The following CCDC33 variants were observed in gnomAD, a reference collection of about 807,000 sequenced individuals.
CCDC33 encodes coiled-coil domain containing 33, also known as coiled-coil domain-containing protein 33.
CCDC33 carries 94 observed loss-of-function variants against 91.9 expected under a neutral mutation model. The observed-to-expected ratio is 1.02, with a 90% CI of 0.87 to 1.21. The LOEUF (loss-of-function observed/expected upper bound fraction) is 1.21, where lower values mean the gene tolerates loss of function less well. Ranked by LOEUF, CCDC33 falls within the 50% of genes most tolerant of loss-of-function variation. The probability of loss-of-function intolerance (pLI) is 0.00; values close to 1 mark genes in which losing one functional copy is unlikely to be tolerated. For synonymous variants in CCDC33, 396 were observed against 374.5 expected (o/e 1.06, Z -0.66); for missense variants, 940 against 935.5 (o/e 1.00, Z -0.06).
rs1596138484 is a variant in CCDC33 at position 74,330,587 on chromosome 15, C to T, written c.1457-76C>T. ...AGCCCTCGGGCCAAGGGATATCTGCCTTCCTGCTACTGACCATGCTGATTT... is the reference window on the plus strand; with the variant it reads ...AGCCCTCGGGCCAAGGGATATCTGCTTTCCTGCTACTGACCATGCTGATTT... On this transcript the variant is annotated intron_variant, in intron 12 of 18. Transcript: ENST00000398814. 3 of 1,274,794 alleles carry T rather than the reference C, an allele frequency of 2.4e-6. No homozygotes were observed. The South Asian group carries it at 3.6e-5, about 15-fold the overall frequency. The allele number at this position is 1,274,794 out of a possible 1,614,324, so 79.0% of individuals were successfully genotyped here.
In CCDC33 at chr15:74,301,485, G is replaced by A. The variant is rs2059794662; in HGVS notation, c.1290+5537G>A. On this transcript the variant is annotated intron_variant, in intron 11 of 18. Transcript: ENST00000398814. Reference sequence around the variant, plus strand: ...TGGACAGGAGCAAGCCATACCCGGGGAGACGATTAGTGGCACAGAGTAGGC... The same window carrying A: ...TGGACAGGAGCAAGCCATACCCGGGAAGACGATTAGTGGCACAGAGTAGGC... The A allele has an allele frequency of 2.6e-5, 4 of 152,458 alleles. No homozygotes were observed. In the South Asian group the frequency reaches 8.3e-4, roughly 32 times the overall value. The allele number at this position is 152,458 out of a possible 1,614,324, so 9.4% of individuals were successfully genotyped here. A position where few individuals can be genotyped will look rare whatever the true frequency, so the allele number is the denominator to read the frequency against.
At chr15:74,204,806 A>C (rs2074221837) in intron 1 of CCDC33, among the ~76,000 whole-genome samples, 1 of 152,124 alleles carries the variant, frequency 6.6e-6, no homozygotes. Flanking sequence ...GTGGTGGCGC[A>C]CACCTGTAAT....
chr15:74,245,906 T>C (rs148750611), intron 2 of CCDC33, among the ~76,000 whole-genome samples: 335 of 152,056 alleles, frequency 2.2e-3, no homozygotes, highest in African/African-American at 7.8e-3. Flanking sequence ...GCTAATGAGA[T>C]GCAAATGATG....
At chr15:74,209,226 C>A in intron 1 of CCDC33, 3 of 1,103,816 alleles carry the variant, frequency 2.7e-6, no homozygotes, top group East Asian at 2.6e-5. Flanking sequence ...CCTCTCCACA[C>A]CCCCAAACCG....
intron 3 of CCDC33, among the ~76,000 whole-genome samples, chr15:74,262,819 T>G (rs1052163462): frequency 6.6e-6 from 1 of 152,190 alleles, no homozygotes; most frequent in Non-Finnish European, 1.5e-5. Flanking sequence ...TTTTTATGAC[T>G]GTTGTTATTA....
chr15:74,261,115 C>A (rs899876280), intron 2 of CCDC33, among the ~76,000 whole-genome samples: 6 of 152,184 alleles, frequency 3.9e-5, no homozygotes, highest in African/African-American at 1.4e-4. Context: ...GTCCTTCTTA[C>A]AATCACTGTG....
rs546995563 is a variant in CCDC33 at position 74,270,571 on chromosome 15, G to A, written c.547-1132G>A. Among the ~76,000 whole-genome samples, 8 of 152,296 alleles carry A rather than the reference G, an allele frequency of 5.3e-5. No homozygotes were observed. In the South Asian group the frequency reaches 1.7e-3, roughly 32 times the overall value. ...GATTAGGGAAAGGAACAGAAGTGGA[G>A]AGGCTAGTGAGGAGGCAGAGGAATC... On this transcript the variant is annotated intron_variant, in intron 5 of 18. Coordinates refer to ENST00000398814, the MANE Select transcript of CCDC33 (RefSeq NM_025055.5).
At chr15:74,263,621 C>G (rs1020036390) in intron 3 of CCDC33, among the ~76,000 whole-genome samples, 2 of 152,162 alleles carry the variant, frequency 1.3e-5, no homozygotes, top group Admixed American at 6.5e-5. Flanking sequence ...TAAGAAGATG[C>G]AAAAGAGGAG....
intron 16 of CCDC33, chr15:74,333,276 C>T (rs1237263379): frequency 6.9e-6 from 11 of 1,602,100 alleles, no homozygotes; most frequent in East Asian, 4.5e-5. Context: ...CTACAAGAGA[C>T]GCATGGCCCA....
chr15:74,239,831 G>T (rs1283044764), intron 1 of CCDC33, among the ~76,000 whole-genome samples: 3 of 100 alleles, frequency 0.03, no homozygotes, highest in Non-Finnish European at 0.038. Flanking sequence ...GAGAGTTACG[G>T]GGGGGGTACC....
intron 1 of CCDC33, among the ~76,000 whole-genome samples, chr15:74,237,457 G>T (rs1304870263): frequency 6.6e-6 from 1 of 152,196 alleles, no homozygotes; most frequent in African/African-American, 2.4e-5. Context: ...TGAGACCAAA[G>T]GCACACAGAT....
At chr15:74,221,227 T>TG (rs2074586978) in intron 2 of CCDC33, 2 of 975,178 alleles carry the variant, frequency 2.1e-6, no homozygotes, top group Non-Finnish European at 2.4e-6. Context: ...TTTTTTTTTT[T>TG]TTTTTTTTTT....
At chr15:74,209,157 ACAG>A (rs2074328702) in intron 1 of CCDC33, 1 of 1,284,690 alleles carries the variant, frequency 7.8e-7, no homozygotes, top group African/African-American at 1.5e-5. Flanking sequence ...CAGCTCAGGC[ACAG>A]AGCAGGGGCT....
upstream of CCDC33, among the ~76,000 whole-genome samples, chr15:74,235,347 G>C (rs1356732139): frequency 6.6e-6 from 1 of 152,192 alleles, no homozygotes; most frequent in Non-Finnish European, 1.5e-5. Flanking sequence ...TCTGGAGTGG[G>C]GGTAGAGAGG....
At chr15:74,283,677 G>A (rs542528377) in intron 10 of CCDC33, among the ~76,000 whole-genome samples, 76 of 152,158 alleles carry the variant, frequency 5.0e-4, no homozygotes, top group African/African-American at 1.6e-3. Flanking sequence ...CCCTGGAGGC[G>A]GGTAAAAAAC....
intron 11 of CCDC33, among the ~76,000 whole-genome samples, chr15:74,318,275 C>A (rs893408813): frequency 4.0e-5 from 6 of 151,828 alleles, no homozygotes; most frequent in African/African-American, 9.7e-5. Flanking sequence ...GAGGCAGGAA[C>A]CAAGGTGTAG....
chr15:74,208,680 C>T, intron 1 of CCDC33: 1 of 983,932 alleles, frequency 1.0e-6, no homozygotes, highest in South Asian at 4.7e-5. Context: ...TCACTCTGCT[C>T]ACTTCCTGCC....
intron 2 of CCDC33, among the ~76,000 whole-genome samples, chr15:74,259,301 C>T (rs1474234974): frequency 1.3e-5 from 2 of 152,096 alleles, no homozygotes; most frequent in East Asian, 1.9e-4. Flanking sequence ...TTGGGAGCCC[C>T]GAGAGAGCCT....
intron 16 of CCDC33, chr15:74,333,348 C>T (rs1007868105): frequency 4.6e-6 from 7 of 1,526,344 alleles, no homozygotes; most frequent in Non-Finnish European, 5.4e-6. Context: ...CCCAGAAATG[C>T]CCAGGCCCTG....
Sources: allele counts gnomAD v4.1 joint callset (sites outside exome capture counted in the v4.1 genomes callset), GRCh38; gene constraint gnomAD v4.1.1; transcripts MANE v1.5; gene names NCBI Gene and HGNC (gene_info 2026-07-23, HGNC 2026-07-21).